The following CCDC39 variants were observed in gnomAD, a reference collection of about 807,000 sequenced individuals.
CCDC39 encodes the protein coiled-coil domain-containing protein 39.
In CCDC39, 113 loss-of-function variants were observed where a neutral mutation model predicts 121.0. The observed-to-expected ratio is 0.93, with a 90% CI of 0.80 to 1.09. The LOEUF (loss-of-function observed/expected upper bound fraction) is 1.09. Among genes scored for constraint, CCDC39 ranks in the 50% least tolerant of loss-of-function variants. CCDC39 has a pLI of 0.00. For synonymous variants in CCDC39, 349 were observed against 352.2 expected (o/e 0.99, Z 0.10); for missense variants, 1,063 against 1,074.7 (o/e 0.99, Z 0.15).
intron 1 of CCDC39, among the ~76,000 whole-genome samples, chr3:180,668,107 A>G (rs1413161139): frequency 6.6e-6 from 1 of 152,108 alleles, no homozygotes; most frequent in African/African-American, 2.4e-5. Flanking sequence ...ACCAGGCACA[A>G]TGGCTCATGC....
At chr3:180,637,756 G>C (rs1717865721) in intron 13 of CCDC39, among the ~76,000 whole-genome samples, 1 of 152,092 alleles carries the variant, frequency 6.6e-6, no homozygotes, top group South Asian at 2.1e-4. Flanking sequence ...CCATAAAAAA[G>C]AATAAGATCT....
chr3:180,644,165 G>A lies in CCDC39; in HGVS notation c.1620C>T (p.Ile540=), dbSNP rs776608064. 1.6e-5 allele frequency: 25 copies of A among 1,544,120 alleles called. No individual in the cohort carries two copies. Among genetic ancestry groups the A allele is most frequent in the Admixed American group, 4.0e-5 (2 of 50,118 alleles). The stretch of plus-strand genomic sequence containing the variant: ...TATCAAGTTCTTTCTCTGATCTGTC[G>A]ATGAAAAGGTTTAGTTCATTTATTT... ...MTKINELNLF[I]DRSEKELDKA... The change falls in exon 12 of 20, where the codon ATC becomes ATT. Residue 540 remains isoleucine (I), a synonymous_variant. Transcript: ENST00000476379.
Position 180,652,479 on chromosome 3 carries a change from T to C in CCDC39, c.931-213A>G, listed in dbSNP as rs775038582. Among the ~76,000 whole-genome samples the C allele has an allele frequency of 2.5e-4, 38 of 152,138 alleles. 1 individual carries two copies. The highest frequency in any genetic ancestry group is 1.0e-4 in the Non-Finnish European group (7 of 68,004). On this transcript the variant is annotated intron_variant, in intron 7 of 19. Transcript: ENST00000476379. ...TTTGTTGTATAATCCTAGCAAATTA[T>C]AGAGAACACATATGTGTTGAAAGTA...
chr3:180,630,226 C>G (rs1717663015), intron 14 of CCDC39, among the ~76,000 whole-genome samples: 1 of 152,088 alleles, frequency 6.6e-6, no homozygotes, highest in Non-Finnish European at 1.5e-5. Context: ...TTTCCCAATA[C>G]CTAAAAAATT....
chr3:180,677,155 A>G (rs1261721948), intron 1 of CCDC39, among the ~76,000 whole-genome samples: 1 of 104,618 alleles, frequency 9.6e-6, no homozygotes, highest in East Asian at 2.8e-4. Flanking sequence ...TAATAATAAT[A>G]ATAATAATAA....
Position 180,652,198 on chromosome 3 carries a change from G to T in CCDC39, c.999C>A (p.Ser333=). Residue 333 remains serine, a synonymous_variant, in exon 8 of 20, where the codon TCC becomes TCA. Coordinates refer to ENST00000476379, the MANE Select transcript of CCDC39 (RefSeq NM_181426.2). ...CTTCATGAATGTCCTTCTTTATCTTGGAAATATTTTTCCTCAGAGCTTCTA... is the reference window on the plus strand; with the variant it reads ...CTTCATGAATGTCCTTCTTTATCTTTGAAATATTTTTCCTCAGAGCTTCTA... The part of the protein sequence containing the change: ...SDLEALRKNI[S]KIKKDIHEET... 6.5e-7 allele frequency: 1 copy of T among 1,531,420 alleles called. No individual in the cohort carries two copies. The highest frequency in any genetic ancestry group is 8.8e-7 in the Non-Finnish European group (1 of 1,138,814). The allele number at this position is 1,531,420 out of a possible 1,614,324, so 94.9% of individuals were successfully genotyped here.
chr3:180,616,156 G>T, intron 19 of CCDC39, 125 bp downstream of exon 19: 1 of 758,316 alleles, frequency 1.3e-6, no homozygotes, highest in Non-Finnish European at 2.3e-6. Context: ...ATGTCTGACA[G>T]TGAAAAGAAC....
intron 1 of CCDC39, among the ~76,000 whole-genome samples, chr3:180,673,411 C>T (rs1712103586): frequency 6.6e-6 from 1 of 152,168 alleles, no homozygotes; most frequent in Non-Finnish European, 1.5e-5. Flanking sequence ...AGTCAGCAAA[C>T]ATCAACATCA....
Position 180,614,050 on chromosome 3 carries a change from C to T in CCDC39, c.*871G>A, listed in dbSNP as rs1717122692. 3.1e-6 allele frequency: 1 copy of T among 320,326 alleles called. No individual in the cohort carries two copies. Among genetic ancestry groups the T allele is most frequent in the Non-Finnish European group, 6.1e-6 (1 of 163,980 alleles). The allele number at this position is 320,326 out of a possible 1,614,324, so 19.8% of individuals were successfully genotyped here. ...ATTTAAAATCCAGTTTTATAATATTCCACACTCTATTCCAAGAGTACAAAG... is the reference window on the plus strand; with the variant it reads ...ATTTAAAATCCAGTTTTATAATATTTCACACTCTATTCCAAGAGTACAAAG... On this transcript the variant is annotated 3_prime_UTR_variant, in exon 20 of 20. Coordinates refer to ENST00000476379, the MANE Select transcript of CCDC39 (RefSeq NM_181426.2).
intron 13 of CCDC39, among the ~76,000 whole-genome samples, chr3:180,632,930 A>G (rs1027632477): frequency 2.6e-5 from 4 of 152,234 alleles, no homozygotes; most frequent in African/African-American, 4.8e-5. Context: ...ATGATAACCA[A>G]AAAATTACCA....
rs957354905 is a variant in CCDC39, at chr3:180,652,169, G to C, written c.1028C>G (p.Thr343Arg). Reference protein sequence around the residue: ...SKIKKDIHEETARLQKTKNHN... With the variant: ...SKIKKDIHEERARLQKTKNHN... Reference sequence around the variant, plus strand: ...TAGATAGTTTTTTTCTTACCTTGCTGTTTCTTCATGAATGTCCTTCTTTAT... The same window carrying C: ...TAGATAGTTTTTTTCTTACCTTGCTCTTTCTTCATGAATGTCCTTCTTTAT... The change falls in exon 8 of 20, where the codon ACA becomes AGA. Residue 343 changes from threonine to arginine, a missense_variant. Transcript: ENST00000476379. The C allele has an allele frequency of 6.7e-7, 1 of 1,491,650 alleles. No individual in the cohort carries two copies. 92.4% of individuals were successfully genotyped at this position (1,491,650 alleles called of 1,614,324 possible).
intron 1 of CCDC39, among the ~76,000 whole-genome samples, chr3:180,672,784 G>C (rs546638939): frequency 8.5e-5 from 13 of 152,190 alleles, no homozygotes; most frequent in Non-Finnish European, 1.8e-4. Context: ...ATCTGCCATA[G>C]ATAGTGATTC....
chr3:180,649,503 T>C (rs1227535134), intron 9 of CCDC39, among the ~76,000 whole-genome samples: 1 of 152,144 alleles, frequency 6.6e-6, no homozygotes, highest in Non-Finnish European at 1.5e-5. Context: ...AAACAAGAAA[T>C]ATAATCTGAT....
At chr3:180,631,868 A>G (rs1230946760) in intron 13 of CCDC39, among the ~76,000 whole-genome samples, 1 of 152,214 alleles carries the variant, frequency 6.6e-6, no homozygotes, top group Non-Finnish European at 1.5e-5. Context: ...CCCTACTTGA[A>G]AGCTGACAAG....
intron 13 of CCDC39, among the ~76,000 whole-genome samples, chr3:180,635,801 T>A (rs541135888): frequency 1.3e-5 from 2 of 152,266 alleles, no homozygotes; most frequent in African/African-American, 4.8e-5. Context: ...TGGCTCAACA[T>A]ACACAAATCA....
rs1486659202 is a variant in CCDC39 at position 180,616,930 on chromosome 3, C to A, written c.2302G>T (p.Ala768Ser). 6.7e-7 allele frequency: 1 copy of A among 1,494,164 alleles called. No individual in the cohort carries two copies. The highest frequency in any genetic ancestry group is 9.2e-7 in the Non-Finnish European group (1 of 1,082,962). 92.6% of individuals were successfully genotyped at this position (1,494,164 alleles called of 1,614,324 possible). A position where few individuals can be genotyped will look rare whatever the true frequency, so the allele number is the denominator to read the frequency against. The change falls in exon 17 of 20, where the codon GCA becomes TCA. Residue 768 changes from alanine to serine, a missense_variant. Coordinates refer to ENST00000476379, the MANE Select transcript of CCDC39 (RefSeq NM_181426.2). ...GATAACTTTTCTTTAACATTATTTG[C>A]CAAATGTTCTATAACATCTAATGTA... Reference protein sequence around the residue: ...ENTLDVIEHLANNVKEKLSEK... With the variant: ...ENTLDVIEHLSNNVKEKLSEK...
At chr3:180,637,417 AAAAT>A (rs1297380089) in intron 13 of CCDC39, among the ~76,000 whole-genome samples, 1 of 152,150 alleles carries the variant, frequency 6.6e-6, no homozygotes, top group African/African-American at 2.4e-5. Flanking sequence ...CAAATAAAAT[AAAAT>A]AAAATAACAG....
chr3:180,674,846 A>C (rs947376702), intron 1 of CCDC39, among the ~76,000 whole-genome samples: 8 of 152,292 alleles, frequency 5.3e-5, no homozygotes, highest in Middle Eastern at 6.8e-3. Context: ...ATCATCGTGG[A>C]TAAGCTTTTC....
intron 13 of CCDC39, among the ~76,000 whole-genome samples, chr3:180,634,770 C>T (rs1157256431): frequency 2.6e-5 from 4 of 152,134 alleles, no homozygotes; most frequent in Non-Finnish European, 5.9e-5. Context: ...CTAAGCACCA[C>T]CTACTGGATC....
Sources: allele counts gnomAD v4.1 joint callset (sites outside exome capture counted in the v4.1 genomes callset), GRCh38; gene constraint gnomAD v4.1.1; transcripts MANE v1.5; gene names NCBI Gene and HGNC (gene_info 2026-07-23, HGNC 2026-07-21).